The following ABCA12 variants were observed in gnomAD, a reference collection of about 807,000 sequenced individuals.
The protein encoded by ABCA12 is glucosylceramide transporter ABCA12.
In ABCA12, 156 loss-of-function variants were observed where a neutral mutation model predicts 293.5. The observed-to-expected ratio is 0.53, with a 90% CI of 0.47 to 0.61. The LOEUF (loss-of-function observed/expected upper bound fraction) is 0.61, where lower values mean the gene tolerates loss of function less well. Among genes scored for constraint, ABCA12 ranks in the 20% least tolerant of loss-of-function variants. ABCA12 has a pLI of 0.00. For missense variants in ABCA12, 2,797 were observed against 3,090.2 expected, an observed-to-expected ratio of 0.91 and a Z score of 2.25; for synonymous variants, 1,063 against 1,108.0, an observed-to-expected ratio of 0.96 and a Z score of 0.81.
chr2:215,019,196 A>T, intron 13 of ABCA12, 140 bp downstream of exon 13: 1 of 708,996 alleles, frequency 1.4e-6, no homozygotes, highest in Non-Finnish European at 2.5e-6. Flanking sequence ...ACCATATTTG[A>T]ATGCTTCAGG....
chr2:214,939,170 T>G (rs1444407400), intron 50 of ABCA12, among the ~76,000 whole-genome samples: 1 of 152,210 alleles, frequency 6.6e-6, no homozygotes, highest in East Asian at 1.9e-4. Flanking sequence ...CAGTTTCGGT[T>G]TTCTGCATAT....
At chr2:215,068,180 A>T (rs1045794225) in intron 2 of ABCA12, among the ~76,000 whole-genome samples, 7 of 152,178 alleles carry the variant, frequency 4.6e-5, no homozygotes, top group Admixed American at 2.6e-4. Context: ...AAAATTTCAG[A>T]TCCCACCCCA....
chr2:214,995,653 A>T (rs902358728), intron 23 of ABCA12, among the ~76,000 whole-genome samples: 6 of 152,198 alleles, frequency 3.9e-5, no homozygotes, highest in Non-Finnish European at 5.9e-5. Context: ...AGCAGGAGGC[A>T]CTAGGGACAT....
At chr2:215,021,269 G>C (rs1301466618) in intron 11 of ABCA12, among the ~76,000 whole-genome samples, 1 of 152,122 alleles carries the variant, frequency 6.6e-6, no homozygotes, top group Non-Finnish European at 1.5e-5. Context: ...TGATTTTTTG[G>C]AAGTGTCTGC....
chr2:215,105,410 G>C (rs1170175249), intron 2 of ABCA12, among the ~76,000 whole-genome samples: 1 of 152,054 alleles, frequency 6.6e-6, no homozygotes, highest in African/African-American at 2.4e-5. Context: ...TCCTCCTTAA[G>C]CACAGGCATT....
intron 39 of ABCA12, among the ~76,000 whole-genome samples, chr2:214,959,555 A>G (rs1699055976): frequency 6.6e-6 from 1 of 152,134 alleles, no homozygotes; most frequent in African/African-American, 2.4e-5. Context: ...TTGGGGAAAT[A>G]GTGTAGCCTG....
chr2:214,955,418 A>G, intron 42 of ABCA12, 57 bp from the exon 43 acceptor site: 2 of 1,568,550 alleles, frequency 1.3e-6, no homozygotes, highest in Non-Finnish European at 1.8e-6. Flanking sequence ...ATGGTGGCTC[A>G]CACCTGTAAT....
intron 1 of ABCA12, among the ~76,000 whole-genome samples, chr2:215,129,620 C>G (rs926942241): frequency 4.6e-5 from 7 of 152,124 alleles, no homozygotes; most frequent in Non-Finnish European, 1.0e-4. Context: ...GTTATAGATT[C>G]TAGATATTAA....
At chr2:214,969,171 GATATA>G (rs1699332141) in intron 37 of ABCA12, among the ~76,000 whole-genome samples, 1 of 151,906 alleles carries the variant, frequency 6.6e-6, no homozygotes, top group African/African-American at 2.4e-5. Flanking sequence ...ATATGGAAGT[GATATA>G]ATATCAGTTC....
chr2:215,138,272 T>C lies in ABCA12; in HGVS notation c.-64A>G. Reference sequence around the variant, plus strand: ...CTCCACTCCACAAATGAAGAACTGATGCCCCGTCCAACTTGCTGTATGTCA... The same window carrying C: ...CTCCACTCCACAAATGAAGAACTGACGCCCCGTCCAACTTGCTGTATGTCA... On this transcript the variant is annotated 5_prime_UTR_variant, in exon 1 of 53. Coordinates refer to ENST00000272895, the MANE Select transcript of ABCA12 (RefSeq NM_173076.3). 2 of 1,556,458 alleles carry C rather than the reference T, an allele frequency of 1.3e-6. No individual in the cohort carries two copies. Among genetic ancestry groups the C allele is most frequent in the Non-Finnish European group, 1.8e-6 (2 of 1,127,592 alleles).
At position 215,138,479 on chromosome 2, in the gene ABCA12, T is replaced by C. The variant is rs1263003757; in HGVS notation, c.-271A>G. ...ATCTTTGGGTGGCTTATGCTTATTTTAAAATAATATCCAGTTGCTGCTTGT... is the reference window on the plus strand; with the variant it reads ...ATCTTTGGGTGGCTTATGCTTATTTCAAAATAATATCCAGTTGCTGCTTGT... On this transcript the variant is annotated 5_prime_UTR_variant, in exon 1 of 53. Coordinates refer to ENST00000272895, the MANE Select transcript of ABCA12 (RefSeq NM_173076.3). 84 of 474,872 alleles carry C rather than the reference T, an allele frequency of 1.8e-4. No individual in the cohort carries two copies. Among genetic ancestry groups the C allele is most frequent in the Non-Finnish European group, 1.5e-5 (4 of 259,372 alleles). 29.4% of individuals were successfully genotyped at this position (474,872 alleles called of 1,614,324 possible). A position where few individuals can be genotyped will look rare whatever the true frequency, so the allele number is the denominator to read the frequency against.
At chr2:215,104,466 A>G (rs1702421804) in intron 2 of ABCA12, among the ~76,000 whole-genome samples, 1 of 152,202 alleles carries the variant, frequency 6.6e-6, no homozygotes. Flanking sequence ...AGCTGTAGTC[A>G]TCCCTGTGAG....
chr2:215,095,015 A>G (rs1229059814), intron 2 of ABCA12, among the ~76,000 whole-genome samples: 2 of 151,948 alleles, frequency 1.3e-5, no homozygotes, highest in African/African-American at 2.4e-5. Context: ...ATCCCCAAAA[A>G]TCAATTTGCA....
intron 36 of ABCA12, among the ~76,000 whole-genome samples, chr2:214,971,741 A>G (rs1364773548): frequency 3.3e-5 from 5 of 152,132 alleles, no homozygotes; most frequent in Non-Finnish European, 7.4e-5. Context: ...TCTGTTAGTG[A>G]GCATTATTCA....
chr2:214,990,164 A>G (rs182310415), intron 24 of ABCA12, among the ~76,000 whole-genome samples: 2 of 152,340 alleles, frequency 1.3e-5, no homozygotes, highest in East Asian at 3.9e-4. Context: ...AAGTTTTAAT[A>G]TGATGAAATT....
chr2:214,967,045 A>G, intron 38 of ABCA12, 92 bp from the exon 39 acceptor site: 3 of 999,540 alleles, frequency 3.0e-6, no homozygotes, highest in Non-Finnish European at 4.7e-6. Context: ...TATATTTAAA[A>G]TAAGAGCATC....
rs112677636 is a variant in ABCA12 at position 215,105,592 on chromosome 2, C to T, written c.163+6005G>A. 7.3e-4 allele frequency among the ~76,000 whole-genome samples: 100 copies of T among 136,128 alleles called. 1 individual carries two copies. Among genetic ancestry groups the T allele is most frequent in the African/African-American group, 3.2e-3 (94 of 29,040 alleles). 89.3% of individuals were successfully genotyped at this position (136,128 alleles called of 152,430 possible). A position where few individuals can be genotyped will look rare whatever the true frequency, so the allele number is the denominator to read the frequency against. On this transcript the variant is annotated intron_variant, in intron 2 of 52. Transcript: ENST00000272895. Reference sequence around the variant, plus strand: ...TAGGGCTTCAAGACACACACACACACACACACACGCACACACACACACACA... The same window carrying T: ...TAGGGCTTCAAGACACACACACACATACACACACGCACACACACACACACA...
rs1559139305 is a variant in ABCA12 at position 215,000,665 on chromosome 2, G to A, written c.3179+40C>T. On this transcript the variant is annotated intron_variant, in intron 22 of 52. Coordinates refer to ENST00000272895, the MANE Select transcript of ABCA12 (RefSeq NM_173076.3). ...TGGACTGAAGTGAGTTCTCAGAAAA[G>A]TTGTTGATCATTAAAAAGGCTGGAA... 2.5e-6 allele frequency: 4 copies of A among 1,610,086 alleles called. No individual in the cohort carries two copies. In the South Asian group the frequency reaches 4.4e-5, roughly 18 times the overall value.
rs1698063568 is a variant in ABCA12, at chr2:214,931,709, A to G, written c.*925T>C. ...TAAGAAGTCTATCCTATAGCCATAT[A>G]CACGATTCTGGGTCACCCAGATAAT... On this transcript the variant is annotated 3_prime_UTR_variant, in exon 53 of 53. Coordinates refer to ENST00000272895, the MANE Select transcript of ABCA12 (RefSeq NM_173076.3). The G allele has an allele frequency of 6.5e-6, 1 of 152,674 alleles. No homozygotes were observed. Among genetic ancestry groups the G allele is most frequent in the Non-Finnish European group, 1.5e-5 (1 of 68,080 alleles). The allele number at this position is 152,674 out of a possible 1,614,324, so 9.5% of individuals were successfully genotyped here.
Sources: allele counts gnomAD v4.1 joint callset (sites outside exome capture counted in the v4.1 genomes callset), GRCh38; gene constraint gnomAD v4.1.1; transcripts MANE v1.5; gene names NCBI Gene and HGNC (gene_info 2026-07-23, HGNC 2026-07-21).